Variants in KHDRBS2 observed in about 807,000 individuals in gnomAD.
KHDRBS2 encodes KH domain-containing, RNA-binding, signal transduction-associated protein 2.
KHDRBS2 carries 26 observed loss-of-function variants against 44.3 expected under a neutral mutation model. That is an observed-to-expected ratio of 0.59 (90% CI 0.43 to 0.81). The LOEUF (loss-of-function observed/expected upper bound fraction) is 0.81. Ranked by LOEUF, KHDRBS2 falls within the 40% of genes least tolerant of loss-of-function variation. The pLI, the probability that KHDRBS2 is intolerant of heterozygous loss-of-function variation, is 0.00. For missense variants in KHDRBS2, 476 were observed against 433.1 expected (o/e 1.10, Z -0.88); for synonymous variants, 194 against 151.1 (o/e 1.28, Z -2.08).
the KHDRBS2 span, among the ~76,000 whole-genome samples, chr6:61,611,954 C>T: frequency 1.3e-5 from 2 of 152,136 alleles, no homozygotes; most frequent in Non-Finnish European, 2.9e-5. Flanking sequence ...TATTCAGGAA[C>T]AATTTAGCAC....
intron 4 of KHDRBS2, among the ~76,000 whole-genome samples, chr6:61,902,389 A>G (rs543671256): frequency 2.6e-5 from 4 of 152,214 alleles, no homozygotes; most frequent in Admixed American, 6.6e-5. Context: ...TTCCTTTATC[A>G]GGGTGGAAAT....
intron 2 of KHDRBS2, among the ~76,000 whole-genome samples, chr6:62,124,928 C>T (rs1364920170): frequency 1.3e-5 from 2 of 152,090 alleles, no homozygotes; most frequent in African/African-American, 2.4e-5. Context: ...TTAATAATAG[C>T]TATTCTGACT....
At chr6:62,065,546 C>T (rs1251720733) in intron 2 of KHDRBS2, among the ~76,000 whole-genome samples, 1 of 146,884 alleles carries the variant, frequency 6.8e-6, no homozygotes, top group Admixed American at 7.0e-5. Flanking sequence ...AAAAACCAAA[C>T]ACCGCATATT....
chr6:61,769,934 C>T (rs1400897811), intron 6 of KHDRBS2, among the ~76,000 whole-genome samples: 1 of 152,136 alleles, frequency 6.6e-6, no homozygotes, highest in South Asian at 2.1e-4. Context: ...GGAGGCACCC[C>T]CCAGTAGGGG....
chr6:61,818,266 T>TAAA (rs60399147), intron 6 of KHDRBS2, among the ~76,000 whole-genome samples: 113 of 114,464 alleles, frequency 9.9e-4, no homozygotes, highest in Middle Eastern at 9.6e-3. Context: ...CCTCTGTAAG[T>TAAA]AAAAAAAAAA....
At chr6:61,578,730 G>T in the KHDRBS2 span, among the ~76,000 whole-genome samples, 4 of 152,156 alleles carry the variant, frequency 2.6e-5, no homozygotes, top group African/African-American at 9.7e-5. Flanking sequence ...AGCGATTATA[G>T]TCGGATGCTT....
At chr6:61,571,022 G>T in the KHDRBS2 span, among the ~76,000 whole-genome samples, 1 of 151,658 alleles carries the variant, frequency 6.6e-6, no homozygotes, top group African/African-American at 2.4e-5. Flanking sequence ...AAAAAACAAG[G>T]TATTAAGGCA....
At chr6:61,629,288 CT>C in the KHDRBS2 span, among the ~76,000 whole-genome samples, 1 of 152,156 alleles carries the variant, frequency 6.6e-6, no homozygotes, top group Non-Finnish European at 1.5e-5. Flanking sequence ...AGGTGACCCC[CT>C]CTCTTTCTCA....
At chr6:61,999,756 G>A (rs879266999) in intron 3 of KHDRBS2, among the ~76,000 whole-genome samples, 3 of 151,902 alleles carry the variant, frequency 2.0e-5, no homozygotes, top group Non-Finnish European at 2.9e-5. Flanking sequence ...TTATGAAAAG[G>A]CATCTTTGTC....
At chr6:62,057,183 T>C (rs941665872) in intron 2 of KHDRBS2, among the ~76,000 whole-genome samples, 4 of 152,078 alleles carry the variant, frequency 2.6e-5, no homozygotes, top group Admixed American at 1.3e-4. Context: ...AAAAGTACAA[T>C]CTACCATTTG....
intron 6 of KHDRBS2, among the ~76,000 whole-genome samples, chr6:61,799,851 C>A (rs1042760255): frequency 1.3e-5 from 2 of 151,888 alleles, no homozygotes; most frequent in Non-Finnish European, 2.9e-5. Flanking sequence ...GTTCAATAAA[C>A]CTATGAAAAC....
At chr6:61,630,192 A>G in the KHDRBS2 span, 1 of 152,208 alleles carries the variant, frequency 6.6e-6, no homozygotes, top group Non-Finnish European at 1.5e-5. Flanking sequence ...ATATTGAGCT[A>G]AAGAGAAATG....
intron 6 of KHDRBS2, among the ~76,000 whole-genome samples, chr6:61,835,829 T>C (rs1190352540): frequency 6.6e-6 from 1 of 151,714 alleles, no homozygotes; most frequent in East Asian, 1.9e-4. Flanking sequence ...ATTAATAATA[T>C]GCTGTAATCT....
intron 7 of KHDRBS2, among the ~76,000 whole-genome samples, chr6:61,709,792 A>AGAAGCTATT (rs1481302017): frequency 6.6e-6 from 1 of 151,728 alleles, no homozygotes; most frequent in Non-Finnish European, 1.5e-5. Flanking sequence ...ACAAGTATAT[A>AGAAGCTATT]GAAGCTATTG....
chr6:61,830,236 A>C (rs1188684635), intron 6 of KHDRBS2, among the ~76,000 whole-genome samples: 3 of 152,160 alleles, frequency 2.0e-5, no homozygotes, highest in Non-Finnish European at 4.4e-5. Flanking sequence ...GTGGACTCAC[A>C]CTCAGCCTAG....
intron 6 of KHDRBS2, among the ~76,000 whole-genome samples, chr6:61,848,506 T>TATATAC (rs1794828168): frequency 1.9e-5 from 1 of 53,848 alleles, no homozygotes; most frequent in Non-Finnish European, 3.3e-5. Flanking sequence ...TATATATATA[T>TATATAC]ATATGTATAT....
At chr6:62,150,206 A>T (rs1814832264) in intron 2 of KHDRBS2, among the ~76,000 whole-genome samples, 1 of 152,090 alleles carries the variant, frequency 6.6e-6, no homozygotes, top group African/African-American at 2.4e-5. Context: ...CATGTAAAGG[A>T]ATAATGTCTC....
intron 3 of KHDRBS2, among the ~76,000 whole-genome samples, chr6:62,041,462 T>G (rs1357458036): frequency 6.6e-6 from 1 of 152,110 alleles, no homozygotes; most frequent in Non-Finnish European, 1.5e-5. Flanking sequence ...GTCTAAAAAT[T>G]TCTATTTTCA....
intron 8 of KHDRBS2, among the ~76,000 whole-genome samples, chr6:61,684,687 A>C (rs1369008845): frequency 6.6e-6 from 1 of 151,962 alleles, no homozygotes; most frequent in East Asian, 2.0e-4. Context: ...AGCACTGGCT[A>C]GGCTATGAAT....
Sources: allele counts gnomAD v4.1 joint callset (sites outside exome capture counted in the v4.1 genomes callset), GRCh38; gene constraint gnomAD v4.1.1; transcripts MANE v1.5; gene names NCBI Gene and HGNC (gene_info 2026-07-23, HGNC 2026-07-21).